The following ADAMTSL3 variants were observed in gnomAD, a reference collection of about 807,000 sequenced individuals.
The protein encoded by ADAMTSL3 is ADAMTS-like protein 3.
A neutral mutation model predicts 201.7 loss-of-function variants in ADAMTSL3; 128 were observed. The ratio of observed to expected loss-of-function variants is 0.63; its 90% confidence interval spans 0.55 to 0.73. The LOEUF (loss-of-function observed/expected upper bound fraction) is 0.73. Among genes scored for constraint, ADAMTSL3 ranks in the 30% least tolerant of loss-of-function variants. The pLI is 0.00. For synonymous variants in ADAMTSL3, 738 were observed against 748.4 expected (o/e 0.99, Z 0.23); for missense variants, 1,990 against 2,119.6 (o/e 0.94, Z 1.20).
At position 83,923,958 on chromosome 15, in the gene ADAMTSL3, A is replaced by G. The variant is rs1296265142; in HGVS notation, c.2042A>G (p.Asn681Ser). 6.2e-6 allele frequency: 10 copies of G among 1,614,166 alleles called. No individual in the cohort carries two copies. Among genetic ancestry groups the G allele is most frequent in the East Asian group, 2.2e-5 (1 of 44,876 alleles). Residue 681 changes from asparagine to serine, a missense_variant, in exon 17 of 30, where the codon AAT (asparagine) becomes AGT (serine). Transcript: ENST00000286744. ...CATATCCAGACCCAGCAGACAGTCA[A>G]TGACAGCTTGTGTGATATGGTCCAC... ...CLHIQTQQTV[N>S]DSLCDMVHRP...
chr15:83,867,741 CT>C (rs2065006377), intron 8 of ADAMTSL3, among the ~76,000 whole-genome samples: 2 of 152,246 alleles, frequency 1.3e-5, no homozygotes, highest in South Asian at 4.1e-4. Flanking sequence ...CCTGACAGTA[CT>C]TTCATGGCCT....
rs778361620 is a variant in ADAMTSL3, at chr15:84,037,765, C to A, written c.5035C>A (p.Arg1679Ser). 6 of 1,613,878 alleles carry A rather than the reference C, an allele frequency of 3.7e-6. No individual in the cohort carries two copies. Among genetic ancestry groups the A allele is most frequent in the Middle Eastern group, 3.3e-4 (2 of 6,062 alleles). Residue 1679 changes from arginine (R) to serine (S), a missense_variant, in exon 30 of 30, where the codon CGC becomes AGC. Arg to Ser is a moderately radical substitution (Grantham distance 110). Transcript: ENST00000286744. ...ACATCTTAATTTGTGTTCTCTAGAC[C>A]GCTACAAACAAAGGTGCTGCCAGTC... Reference protein sequence around the residue: ...VKHLNLCSLDRYKQRCCQSCQ... With the variant: ...VKHLNLCSLDSYKQRCCQSCQ...
chr15:84,009,399 C>T (rs1480640654), intron 23 of ADAMTSL3, among the ~76,000 whole-genome samples: 1 of 152,082 alleles, frequency 6.6e-6, no homozygotes, highest in African/African-American at 2.4e-5. Flanking sequence ...ATAAAATATA[C>T]TGCATTTAAA....
intron 4 of ADAMTSL3, among the ~76,000 whole-genome samples, chr15:83,787,744 G>A (rs35946026): frequency 2.6e-5 from 4 of 151,770 alleles, no homozygotes; most frequent in South Asian, 2.1e-4. Flanking sequence ...TAGGCACTAC[G>A]CATTAGAGTC....
In ADAMTSL3 at chr15:83,776,299, T is replaced by C. The variant is rs538380564; in HGVS notation, c.317+2649T>C. ...GTAAGTCTCTGGCTCCAGAACCTTT[T>C]AATTCCCTTGATGTGGGTAAGGAGT... On this transcript the variant is annotated intron_variant, in intron 4 of 29. Transcript: ENST00000286744. Among the ~76,000 whole-genome samples, 29 of 152,334 alleles carry C rather than the reference T, an allele frequency of 1.9e-4. No homozygotes were observed. The South Asian group carries it at 5.8e-3, about 30-fold the overall frequency.
intron 16 of ADAMTSL3, among the ~76,000 whole-genome samples, chr15:83,919,181 A>G (rs1174570798): frequency 6.6e-6 from 1 of 152,162 alleles, no homozygotes; most frequent in Non-Finnish European, 1.5e-5. Context: ...CTGAACTGGA[A>G]TGGTACATTT....
At chr15:83,781,912 A>G (rs953637371) in intron 4 of ADAMTSL3, among the ~76,000 whole-genome samples, 4 of 152,198 alleles carry the variant, frequency 2.6e-5, no homozygotes, top group African/African-American at 7.2e-5. Flanking sequence ...TAAAAAGTCA[A>G]TAAGTAACAG....
At chr15:83,681,070 C>T (rs534782869) in intron 2 of ADAMTSL3, among the ~76,000 whole-genome samples, 1 of 152,184 alleles carries the variant, frequency 6.6e-6, no homozygotes, top group Non-Finnish European at 1.5e-5. Flanking sequence ...AGCCCTATCA[C>T]TATTTGCAGT....
At chr15:83,681,483 G>A (rs1197255881) in intron 2 of ADAMTSL3, among the ~76,000 whole-genome samples, 1 of 152,176 alleles carries the variant, frequency 6.6e-6, no homozygotes, top group East Asian at 1.9e-4. Flanking sequence ...TAGATCCACC[G>A]TTGTTTGCTT....
At chr15:84,037,069 C>T in intron 29 of ADAMTSL3, 82 bp downstream of exon 29, 6 of 1,403,240 alleles carry the variant, frequency 4.3e-6, no homozygotes, top group Non-Finnish European at 4.9e-6. Flanking sequence ...CGGCACCAAA[C>T]CCTGCTAGTG....
rs1356010801 is a variant in ADAMTSL3, at chr15:83,654,860, G to A, written c.-34+584G>A. On this transcript the variant is annotated intron_variant, in intron 1 of 29. Coordinates refer to ENST00000286744, the MANE Select transcript of ADAMTSL3 (RefSeq NM_207517.3). This position sits in a 1 kb window ranked among gnomAD's most constrained non-coding sequence, Gnocchi z 5.3. Reference sequence around the variant, plus strand: ...CCTTCAGCCAGGAGTCGCCGCCTCAGGTCGGAAACAGCAGCACATTTGCGG... The same window carrying A: ...CCTTCAGCCAGGAGTCGCCGCCTCAAGTCGGAAACAGCAGCACATTTGCGG... Among the ~76,000 whole-genome samples, 1 of 152,166 alleles carries A rather than the reference G, an allele frequency of 6.6e-6. No homozygotes were observed. The highest frequency in any genetic ancestry group is 1.5e-5 in the Non-Finnish European group (1 of 68,024).
At chr15:83,724,046 C>A (rs1186306149) in intron 3 of ADAMTSL3, among the ~76,000 whole-genome samples, 3 of 151,372 alleles carry the variant, frequency 2.0e-5, no homozygotes, top group Non-Finnish European at 4.4e-5. Flanking sequence ...ACTCCTGGTT[C>A]TGATTTCCCT....
chr15:83,932,408 C>A (rs1393639755), intron 17 of ADAMTSL3, among the ~76,000 whole-genome samples: 3 of 152,178 alleles, frequency 2.0e-5, no homozygotes, highest in Non-Finnish European at 4.4e-5. Flanking sequence ...CAGTAACCTA[C>A]ACTTTTTGGC....
chr15:83,897,972 T>C lies in ADAMTSL3; in HGVS notation c.1582T>C (p.Cys528Arg), dbSNP rs1353761390. The stretch of plus-strand genomic sequence containing the variant: ...ACTGAAGTTACACATCAAAGAAGAA[T>C]GTGTCATTCCCATCCCGTGTTATAA... ...PQLKLHIKEE[C>R]VIPIPCYKPK... The change falls in exon 14 of 30, where the codon TGT becomes CGT. Residue 528 changes from cysteine to arginine, a missense_variant. By Grantham distance (180) the Cys-to-Arg change is radical. Transcript: ENST00000286744. 6.2e-7 allele frequency: 1 copy of C among 1,613,824 alleles called. No homozygotes were observed. Among genetic ancestry groups the C allele is most frequent in the South Asian group, 1.1e-5 (1 of 91,050 alleles).
chr15:84,016,242 T>C, intron 24 of ADAMTSL3, 141 bp from the exon 25 acceptor site: 1 of 642,780 alleles, frequency 1.6e-6, no homozygotes, highest in Non-Finnish European at 2.7e-6. Context: ...CCCAGACCTG[T>C]GGTCATGAGC....
intron 24 of ADAMTSL3, 105 bp downstream of exon 24, chr15:84,014,829 A>T: frequency 8.3e-7 from 1 of 1,202,760 alleles, no homozygotes; most frequent in East Asian, 2.6e-5. Flanking sequence ...TGGACATCAG[A>T]TGGTTTTAAC....
chr15:83,792,203 C>A (rs2063355432), intron 4 of ADAMTSL3, among the ~76,000 whole-genome samples: 1 of 151,900 alleles, frequency 6.6e-6, no homozygotes, highest in Admixed American at 6.6e-5. Context: ...GGCAAAGGAC[C>A]CAAATAGACA....
At chr15:83,722,325 C>T (rs916928322) in intron 3 of ADAMTSL3, among the ~76,000 whole-genome samples, 23 of 152,142 alleles carry the variant, frequency 1.5e-4, no homozygotes, top group African/African-American at 3.9e-4. Flanking sequence ...AGACATCAAA[C>T]GGAAGAGAGG....
intron 9 of ADAMTSL3, among the ~76,000 whole-genome samples, chr15:83,878,959 TAC>T (rs2065227005): frequency 6.6e-6 from 1 of 152,184 alleles, no homozygotes; most frequent in Non-Finnish European, 1.5e-5. Flanking sequence ...CTTTGAAAGA[TAC>T]AGATTCTTTA....
Sources: gnomAD v4.1 joint callset for allele counts (sites outside exome capture counted in the v4.1 genomes callset) on GRCh38, gnomAD v4.1.1 for gene constraint, Gnocchi (gnomAD v3.1) non-coding constraint, MANE v1.5 for transcripts, NCBI Gene and HGNC (gene_info 2026-07-23, HGNC 2026-07-21) for gene names.